Variants in CNTN6 observed in about 807,000 individuals in gnomAD.
The protein encoded by CNTN6 is contactin-6.
CNTN6 carries 137 observed loss-of-function variants against 122.8 expected under a neutral mutation model. The ratio of observed to expected loss-of-function variants is 1.12; its 90% CI spans 0.97 to 1.29. The LOEUF is 1.29. Ranked by LOEUF, CNTN6 falls within the 50% of genes most tolerant of loss-of-function variation. The pLI is 0.00. For missense variants in CNTN6, 1,634 were observed against 1,223.4 expected (o/e 1.34, Z -5.01); for synonymous variants, 570 against 426.0 (o/e 1.34, Z -4.16).
In CNTN6 at chr3:1,353,504, C is replaced by T. The variant is rs191278340; in HGVS notation, c.1492+1053C>T. On this transcript the variant is annotated intron_variant, in intron 12 of 22. Transcript: ENST00000446702. ...AAAACTTGGTGTGTCAAAATCCAAC[C>T]AGTATGGCATATTTTGAAAAACTTC... Among the ~76,000 whole-genome samples, 70 of 151,612 alleles carry T rather than the reference C, an allele frequency of 4.6e-4. 1 individual carries two copies. Among genetic ancestry groups the T allele is most frequent in the Admixed American group, 4.6e-3 (69 of 15,142 alleles).
At chr3:1,120,922 T>G (rs1224445463) in intron 1 of CNTN6, among the ~76,000 whole-genome samples, 1 of 148,352 alleles carries the variant, frequency 6.7e-6, no homozygotes, top group Non-Finnish European at 1.5e-5. Flanking sequence ...GCCTCTTAGC[T>G]TTTATCTAAT....
intron 2 of CNTN6, among the ~76,000 whole-genome samples, chr3:1,217,505 G>A (rs1486876002): frequency 6.6e-6 from 1 of 152,164 alleles, no homozygotes; most frequent in Non-Finnish European, 1.5e-5. Context: ...CAAAAGAAAA[G>A]CAGAAATGTA....
intron 12 of CNTN6, among the ~76,000 whole-genome samples, chr3:1,365,129 A>G (rs893140530): frequency 6.6e-6 from 1 of 151,992 alleles, no homozygotes; most frequent in African/African-American, 2.4e-5. Context: ...AGTAGAGGTG[A>G]TAGTATAAGA....
intron 4 of CNTN6, among the ~76,000 whole-genome samples, chr3:1,253,124 C>T (rs950551191): frequency 3.3e-5 from 5 of 152,096 alleles, no homozygotes; most frequent in Non-Finnish European, 7.4e-5. Context: ...CTTCAGAATA[C>T]CTAATTATTA....
intron 1 of CNTN6, among the ~76,000 whole-genome samples, chr3:1,125,205 G>A (rs2125076767): frequency 6.6e-6 from 1 of 151,982 alleles, no homozygotes; most frequent in South Asian, 2.1e-4. Context: ...TTACTTATCT[G>A]TCTTGGCCCT....
Position 1,251,496 on chromosome 3 carries a change from A to C in CNTN6, c.358+23503A>C, listed in dbSNP as rs897806511. Among the ~76,000 whole-genome samples, 7 of 152,318 alleles carry C rather than the reference A, an allele frequency of 4.6e-5. No homozygotes were observed. In the South Asian group the frequency reaches 1.2e-3, roughly 27 times the overall value. On this transcript the variant is annotated intron_variant, in intron 4 of 22. Transcript: ENST00000446702. ...TAACTCACTTGCTCATCACTTGCAC[A>C]TCAATGATTCACTTTCACTTTCCCC...
At chr3:1,139,274 T>C (rs1279710278) in intron 1 of CNTN6, among the ~76,000 whole-genome samples, 1 of 152,150 alleles carries the variant, frequency 6.6e-6, no homozygotes, top group African/African-American at 2.4e-5. Context: ...CATTAGTAAG[T>C]AGTCCCTGCA....
intron 11 of CNTN6, among the ~76,000 whole-genome samples, chr3:1,337,249 T>G (rs2126024109): frequency 1.3e-5 from 2 of 152,302 alleles, no homozygotes; most frequent in Middle Eastern, 6.8e-3. Context: ...AATCATCTGA[T>G]CTTGTGGAGG....
intron 1 of CNTN6, among the ~76,000 whole-genome samples, chr3:1,113,293 T>G (rs2091566624): frequency 6.6e-6 from 1 of 152,168 alleles, no homozygotes; most frequent in Non-Finnish European, 1.5e-5. Flanking sequence ...GTTATTCAAA[T>G]TTGCTTCATC....
chr3:1,238,104 A>C (rs1049785234), intron 4 of CNTN6, among the ~76,000 whole-genome samples: 1 of 152,204 alleles, frequency 6.6e-6, no homozygotes, highest in African/African-American at 2.4e-5. Flanking sequence ...CTAACATAGA[A>C]AGTGAATGGC....
intron 1 of CNTN6, among the ~76,000 whole-genome samples, chr3:1,124,161 C>T (rs1437658801): frequency 6.6e-6 from 1 of 151,864 alleles, no homozygotes; most frequent in Admixed American, 6.6e-5. Flanking sequence ...GTGCTACTGG[C>T]ATCTGGTGCA....
At chr3:1,402,825 A>G in intron 22 of CNTN6, 1 of 212,750 alleles carries the variant, frequency 4.7e-6, no homozygotes, top group South Asian at 1.0e-4. Context: ...GGAATGGCAA[A>G]TATGAAGCAC....
At chr3:1,250,277 C>T (rs1245084680) in intron 4 of CNTN6, among the ~76,000 whole-genome samples, 1 of 152,180 alleles carries the variant, frequency 6.6e-6, no homozygotes, top group African/African-American at 2.4e-5. Flanking sequence ...ACAACACTGG[C>T]ATTTCAAAGC....
intron 11 of CNTN6, among the ~76,000 whole-genome samples, chr3:1,345,914 T>C (rs1369619510): frequency 6.6e-6 from 1 of 151,856 alleles, no homozygotes; most frequent in African/African-American, 2.4e-5. Context: ...CAGTTAATAA[T>C]CTAACTATAA....
rs2094198034 is a variant in CNTN6, at chr3:1,220,825, C to T, written c.182+12C>T. 3 of 1,585,460 alleles carry T rather than the reference C, an allele frequency of 1.9e-6. No homozygotes were observed. The highest frequency in any genetic ancestry group is 1.4e-5 in the African/African-American group (1 of 73,554). On this transcript the variant is annotated intron_variant, in intron 3 of 22. Coordinates refer to ENST00000446702, the MANE Select transcript of CNTN6 (RefSeq NM_001289080.2). ...TCGCCTCATTATAGGTAAAATCCTA[C>T]CTGTGGGCACCACACTATTTTGTTC... is the stretch of plus-strand genomic sequence containing the variant.
At chr3:1,251,726 A>C (rs1478464699) in intron 4 of CNTN6, among the ~76,000 whole-genome samples, 1 of 152,106 alleles carries the variant, frequency 6.6e-6, no homozygotes, top group Admixed American at 6.5e-5. Flanking sequence ...CGGCATCTTC[A>C]GTCTAGAAAG....
At chr3:1,346,584 G>A (rs1704736367) in intron 11 of CNTN6, among the ~76,000 whole-genome samples, 1 of 152,034 alleles carries the variant, frequency 6.6e-6, no homozygotes, top group Non-Finnish European at 1.5e-5. Flanking sequence ...TTTGCCATGA[G>A]TTGAAGCAGC....
chr3:1,120,354 T>A (rs2091903363), intron 1 of CNTN6, among the ~76,000 whole-genome samples: 2 of 152,002 alleles, frequency 1.3e-5, no homozygotes, highest in South Asian at 4.1e-4. Flanking sequence ...TACCTCGTCA[T>A]CAGTGTTTGG....
At chr3:1,401,570 T>C in intron 21 of CNTN6, 25 bp downstream of exon 21, 1 of 1,497,620 alleles carries the variant, frequency 6.7e-7, no homozygotes, top group Non-Finnish European at 9.2e-7. Flanking sequence ...TTTCCTTTAA[T>C]CATATCAATT....
Sources: gnomAD v4.1 joint callset for allele counts (sites outside exome capture counted in the v4.1 genomes callset) on GRCh38, gnomAD v4.1.1 for gene constraint, MANE v1.5 for transcripts, NCBI Gene and HGNC (gene_info 2026-07-23, HGNC 2026-07-21) for gene names.